Variants in TTN observed in about 807,000 individuals in gnomAD.
TTN encodes connectin.
Under a neutral mutation model 3,223.0 loss-of-function variants are expected in TTN, and 1,525 were observed. The ratio of observed to expected loss-of-function variants is 0.47; its 90% CI spans 0.45 to 0.49. The LOEUF is 0.49. Among genes scored for constraint, TTN ranks in the 20% least tolerant of loss-of-function variants. The pLI is 0.00. For missense variants in TTN, 40,786 were observed against 43,424.0 expected (o/e 0.94, Z 5.40); for synonymous variants, 14,094 against 15,161.0 (o/e 0.93, Z 5.17).
Position 178,773,639 on chromosome 2 carries a change from C to A in TTN, c.7417G>T (p.Val2473Leu). Residue 2473 changes from valine to leucine, a missense_variant, in exon 32 of 363, where the codon GTG (valine) becomes TTG (leucine). Transcript: ENST00000589042. ...VLECKVSVPD[V>L]TSVKWYLNDE... is the part of the protein sequence containing the mutation. ...TTTAAGTACCACTTAACAGAAGTCACATCAGGGACTGACACCTTACATTCA... is the reference window on the plus strand; with the variant it reads ...TTTAAGTACCACTTAACAGAAGTCAAATCAGGGACTGACACCTTACATTCA... 6.2e-7 allele frequency: 1 copy of A among 1,614,022 alleles called. No homozygotes were observed. Among genetic ancestry groups the A allele is most frequent in the Non-Finnish European group, 8.5e-7 (1 of 1,179,968 alleles).
Position 178,604,200 on chromosome 2 carries a change from G to C in TTN, c.54487C>G (p.Pro18163Ala). Reference sequence around the variant, plus strand: ...CCTGGAGGTCCAGGAAGGCGATAAGGATCTTGAATGACTACTTTATCTGAT... The same window carrying C: ...CCTGGAGGTCCAGGAAGGCGATAAGCATCTTGAATGACTACTTTATCTGAT... The part of the protein sequence containing the change: ...CKSDKVVIQD[P>A]YRLPGPPGKP... The change falls in exon 282 of 363, where the codon CCT becomes GCT. Residue 18163 changes from proline (P) to alanine (A), a missense_variant. Coordinates refer to ENST00000589042, the MANE Select transcript of TTN (RefSeq NM_001267550.2). 6.2e-7 allele frequency: 1 copy of C among 1,611,458 alleles called. No individual in the cohort carries two copies. Among genetic ancestry groups the C allele is most frequent in the South Asian group, 1.1e-5 (1 of 90,764 alleles).
chr2:178,738,602 T>C (rs1199847982), intron 48 of TTN, among the ~76,000 whole-genome samples: 1 of 152,156 alleles, frequency 6.6e-6, no homozygotes, highest in Non-Finnish European at 1.5e-5. Context: ...TGAAAAAATG[T>C]GATGCTATTG....
chr2:178,740,143 C>T lies in TTN; in HGVS notation c.13090G>A (p.Val4364Met), dbSNP rs201506104. The T allele has an allele frequency of 3.0e-5, 48 of 1,613,670 alleles. 1 individual carries two copies. In the African/African-American group the frequency reaches 3.2e-4, roughly 11 times the overall value. The change falls in exon 48 of 363, where the codon GTG becomes ATG. Residue 4364 changes from valine to methionine, a missense_variant. Val to Met is a conservative substitution (Grantham distance 21). Transcript: ENST00000589042. ...ACCTCCTGCACTTTCTTTATTGCCA[C>T]GGGCTCTCTTTTAGACTCAATGATT... ...DQIIESKREP[V>M]AIKKVQEVQG... is the part of the protein sequence containing the mutation.
chr2:178,799,975 T>G, intron 4 of TTN, 65 bp from the exon 5 acceptor site: 1 of 1,545,762 alleles, frequency 6.5e-7, no homozygotes, highest in Non-Finnish European at 8.9e-7. Flanking sequence ...AGAGATTCTG[T>G]TAATTCTGAC....
Position 178,649,879 on chromosome 2 carries a change from T to C in TTN, c.39833A>G (p.Lys13278Arg). The change falls in exon 211 of 363, where the codon AAG (lysine) becomes AGG (arginine). Residue 13278 changes from lysine to arginine, a missense_variant. Transcript: ENST00000589042. Reference sequence around the variant, plus strand: ...AACTTTCTTCTCTGGGATGATCTTCTTGGGCTCTTCAGGCACTTGAATAAT... The same window carrying C: ...AACTTTCTTCTCTGGGATGATCTTCCTGGGCTCTTCAGGCACTTGAATAAT... Reference protein sequence around the residue: ...VPPPAVPEEPKKIIPEKKVPV... With the variant: ...VPPPAVPEEPRKIIPEKKVPV... 2 of 1,611,294 alleles carry C rather than the reference T, an allele frequency of 1.2e-6. No individual in the cohort carries two copies. The highest frequency in any genetic ancestry group is 1.7e-6 in the Non-Finnish European group (2 of 1,179,210).
In TTN at chr2:178,634,989, C is replaced by T. The variant is rs1190205931; in HGVS notation, c.42025-140G>A. On this transcript the variant is annotated intron_variant, in intron 228 of 362. Coordinates refer to ENST00000589042, the MANE Select transcript of TTN (RefSeq NM_001267550.2). This position sits in a 1 kb window ranked among gnomAD's most constrained non-coding sequence, Gnocchi z 4.6. Reference sequence around the variant, plus strand: ...GAGAATTCCCTGTCATAACATTTTACACAAATTGTTCAAGTTGTCCCCAAA... The same window carrying T: ...GAGAATTCCCTGTCATAACATTTTATACAAATTGTTCAAGTTGTCCCCAAA... The T allele has an allele frequency of 6.6e-6, 9 of 1,367,116 alleles. No individual in the cohort carries two copies. Among genetic ancestry groups the T allele is most frequent in the African/African-American group, 1.5e-5 (1 of 67,910 alleles). 84.7% of individuals were successfully genotyped at this position (1,367,116 alleles called of 1,614,324 possible).
intron 121 of TTN, among the ~76,000 whole-genome samples, chr2:178,690,264 A>C (rs1388162685): frequency 6.6e-6 from 1 of 152,262 alleles, no homozygotes; most frequent in Non-Finnish European, 1.5e-5. Flanking sequence ...GGAGTACTTA[A>C]TAACAATGGC....
rs139506970 is a variant in TTN, at chr2:178,554,639, T to C, written c.88708A>G (p.Ile29570Val). The change falls in exon 332 of 363, where the codon ATT (isoleucine) becomes GTT (valine). Residue 29570 changes from isoleucine to valine, a missense_variant. By Grantham distance (29) the Ile-to-Val change is conservative (BLOSUM62 3). Coordinates refer to ENST00000589042, the MANE Select transcript of TTN (RefSeq NM_001267550.2). ...CGGCTTGTCTCACGCTTTTCCACAA[T>C]GTAGTGAGTGATTTTTGCACCACCA... ...DDGGAKITHY[I>V]VEKRETSRVV... is the part of the protein sequence containing the mutation. 808 of 1,613,860 alleles carry C rather than the reference T, an allele frequency of 5.0e-4. 9 individuals are homozygous for C. In the African/African-American group the frequency reaches 8.5e-3, roughly 17 times the overall value.
rs776531074 is a variant in TTN at position 178,595,711 on chromosome 2, G to A, written c.57643C>T (p.Pro19215Ser). 6.2e-7 allele frequency: 1 copy of A among 1,608,780 alleles called. No individual in the cohort carries two copies. Among genetic ancestry groups the A allele is most frequent in the Non-Finnish European group, 8.5e-7 (1 of 1,177,690 alleles). ...WFSPEDDGGS[P>S]ITNYVIEKRE... ...TTTTCAATGACATAATTGGTGATTG[G>A]AGAGCCTCCATCATCTTCTGGAGAA... is the stretch of plus-strand genomic sequence containing the variant. The change falls in exon 295 of 363, where the codon CCA becomes TCA. Residue 19215 changes from proline (P) to serine (S), a missense_variant. Transcript: ENST00000589042.
chr2:178,666,843 TC>T lies in TTN; in HGVS notation c.35855del (p.Arg11952LysfsTer18). On this transcript the variant is annotated frameshift_variant, in exon 163 of 363. Transcript: ENST00000589042. LOFTEE classifies it high-confidence loss of function. Reference sequence around the variant, plus strand: ...TTGTACCTGTTGGTGATGGTGTTTTTCTTCTTTTAACAATAGGAGTTTCTCC... The same window carrying T: ...TTGTACCTGTTGGTGATGGTGTTTTTTTCTTTTAACAATAGGAGTTTCTCC... Reference protein sequence around the residue: ...PEGETPIVKRRKTPSPTVPES... With the variant: ...PEGETPIVKRXKTPSPTVPES... The T allele has an allele frequency of 6.4e-7, 1 of 1,571,932 alleles. No homozygotes were observed. The highest frequency in any genetic ancestry group is 8.6e-7 in the Non-Finnish European group (1 of 1,157,884).
Position 178,599,035 on chromosome 2 carries a change from G to A in TTN, c.56675C>T (p.Thr18892Ile). 6.3e-7 allele frequency: 1 copy of A among 1,581,494 alleles called. No homozygotes were observed. The highest frequency in any genetic ancestry group is 8.6e-7 in the Non-Finnish European group (1 of 1,163,942). ...FSVPGAPDKP[T>I]VSSVTRNSMT... ...GGAGTTACGAGTCACGCTGCTAACT[G>A]TTGGTTTATCTGGTGCTCCAGGGAC... is the stretch of plus-strand genomic sequence containing the variant. The change falls in exon 291 of 363, where the codon ACA (threonine) becomes ATA (isoleucine). Residue 18892 changes from threonine to isoleucine, a missense_variant. By Grantham distance (89) the Thr-to-Ile change is moderately conservative. Coordinates refer to ENST00000589042, the MANE Select transcript of TTN (RefSeq NM_001267550.2).
chr2:178,644,361 T>C (rs2061605440), intron 218 of TTN, 187 bp downstream of exon 218: 1 of 481,478 alleles, frequency 2.1e-6, no homozygotes, highest in Non-Finnish European at 3.6e-6. Flanking sequence ...ATGTATGAAA[T>C]GGATGGGAGA....
chr2:178,735,574 A>G lies in TTN; in HGVS notation c.14872T>C (p.Tyr4958His). 1.2e-6 allele frequency: 2 copies of G among 1,612,718 alleles called. No homozygotes were observed. The highest frequency in any genetic ancestry group is 1.7e-6 in the Non-Finnish European group (2 of 1,179,512). Residue 4958 changes from tyrosine (Y) to histidine (H), a missense_variant, in exon 50 of 363, where the codon TAT (tyrosine) becomes CAT (histidine). Physicochemically the swap from Tyr to His is moderately conservative, Grantham distance 83. Transcript: ENST00000589042. ...GCCTCATTTGAAGCTGTACAGACAT[A>G]GGTTCCTGAATCTTTCAGTTTGGCC... ...PLAKLKDSGT[Y>H]VCTASNEAGS...
Position 178,728,650 on chromosome 2 carries a change from C to T in TTN, c.19276G>A (p.Val6426Ile), listed in dbSNP as rs778339438. Residue 6426 changes from valine to isoleucine, a missense_variant, in exon 66 of 363, where the codon GTT (valine) becomes ATT (isoleucine). Transcript: ENST00000589042. ...CTCATTGAAAAGTATCTACTGGGAA[C>T]TATTTGTTTCCCGTCTTTAAGCCAT... is the stretch of plus-strand genomic sequence containing the variant. ...VKWLKDGKQI[V>I]PSRYFSMSFE... is the part of the protein sequence containing the mutation. The T allele has an allele frequency of 3.1e-6, 5 of 1,613,350 alleles. No individual in the cohort carries two copies. Among genetic ancestry groups the T allele is most frequent in the African/African-American group, 1.3e-5 (1 of 75,022 alleles).
Position 178,542,356 on chromosome 2 carries a change from C to T in TTN, c.97400G>A (p.Gly32467Glu), listed in dbSNP as rs2154142486. Residue 32467 changes from glycine (G) to glutamate (E), a missense_variant, in exon 349 of 363, where the codon GGA becomes GAA. Gly to Glu is a moderately conservative substitution (Grantham distance 98). Coordinates refer to ENST00000589042, the MANE Select transcript of TTN (RefSeq NM_001267550.2). ...STFKFTRLTE[G>E]NEYVFRVAAT... ...AGCCACACGGAACACATACTCATTT[C>T]CTTCGGTGAGTCTGGTAAACTTAAA... 1 of 1,613,536 alleles carries T rather than the reference C, an allele frequency of 6.2e-7. No homozygotes were observed. The highest frequency in any genetic ancestry group is 8.5e-7 in the Non-Finnish European group (1 of 1,179,698).
In TTN at chr2:178,732,022, T is replaced by C. The variant is rs759969958; in HGVS notation, c.16903+44A>G. On this transcript the variant is annotated intron_variant, in intron 57 of 362. Coordinates refer to ENST00000589042, the MANE Select transcript of TTN (RefSeq NM_001267550.2). ...ATTAAGGGAGGAGGGGTCTGTGCCA[T>C]GGGCCATAACTTTGGCAACACAAGA... 3.5e-5 allele frequency: 56 copies of C among 1,589,254 alleles called. No homozygotes were observed. In the Admixed American group the frequency reaches 9.0e-4, roughly 26 times the overall value.
In TTN at chr2:178,603,970, G is replaced by C. The variant is rs368468642; in HGVS notation, c.54717C>G (p.Gly18239=). 16 of 1,612,474 alleles carry C rather than the reference G, an allele frequency of 9.9e-6. No individual in the cohort carries two copies. The highest frequency in any genetic ancestry group is 2.7e-5 in the African/African-American group (2 of 74,788). The change falls in exon 282 of 363, where the codon GGC becomes GGG. Residue 18239 remains glycine, a synonymous_variant. Coordinates refer to ENST00000589042, the MANE Select transcript of TTN (RefSeq NM_001267550.2). ...CCATGGCTCTGAACTGGTATTTAAC[G>C]CCTTCAAGCAAACGAGGAACATTAA... ...VEFNVPRLLE[G]VKYQFRAMAI...
At chr2:178,748,730 A>T in intron 47 of TTN, 5 of 1,612,682 alleles carry the variant, frequency 3.1e-6, no homozygotes, top group Non-Finnish European at 4.2e-6. Context: ...AGGTTTATCT[A>T]TAAGACTTAT....
chr2:178,635,895 C>T (rs746532262), intron 226 of TTN, 68 bp downstream of exon 226: 64 of 1,531,258 alleles, frequency 4.2e-5, no homozygotes, highest in African/African-American at 2.1e-4. Flanking sequence ...TACTGGGAAA[C>T]GAGGTCCTTT....
Sources: allele counts gnomAD v4.1 joint callset (sites outside exome capture counted in the v4.1 genomes callset), GRCh38; gene constraint gnomAD v4.1.1; non-coding constraint Gnocchi (gnomAD v3.1); transcripts MANE v1.5; gene names NCBI Gene and HGNC (gene_info 2026-07-23, HGNC 2026-07-21).